Variants in ROBO2 observed in about 807,000 individuals in gnomAD.
ROBO2 encodes the protein roundabout guidance receptor 2, also known as roundabout homolog 2.
Under a neutral mutation model 160.8 loss-of-function variants are expected in ROBO2, and 53 were observed. The ratio of observed to expected loss-of-function variants is 0.33; its 90% CI spans 0.26 to 0.41. The LOEUF (loss-of-function observed/expected upper bound fraction) is 0.41, where lower values mean the gene tolerates loss of function less well. ROBO2 is among the 10% of genes least tolerant of loss of function. ROBO2 has a pLI of 1.00. For missense variants in ROBO2, 1,577 were observed against 1,722.4 expected, an observed-to-expected ratio of 0.92 and a Z score of 1.49; for synonymous variants, 664 against 611.7, an observed-to-expected ratio of 1.09 and a Z score of -1.26.
chr3:76,758,647 A>C (rs2061123890), intron 2 of ROBO2, among the ~76,000 whole-genome samples: 1 of 151,674 alleles, frequency 6.6e-6, no homozygotes. Flanking sequence ...TGGTTATCCC[A>C]CCTCTCTGTT....
At chr3:76,559,166 T>G (rs2083998677) in intron 2 of ROBO2, among the ~76,000 whole-genome samples, 1 of 152,128 alleles carries the variant, frequency 6.6e-6, no homozygotes, top group Non-Finnish European at 1.5e-5. Flanking sequence ...ACCACACATT[T>G]TTGTTCAGTT....
At chr3:75,977,062 T>C (rs2065152087) in intron 2 of ROBO2, among the ~76,000 whole-genome samples, 1 of 151,620 alleles carries the variant, frequency 6.6e-6, no homozygotes, top group South Asian at 2.1e-4. Flanking sequence ...TTTCATATAA[T>C]ATCAAAGAAT....
intron 2 of ROBO2, among the ~76,000 whole-genome samples, chr3:76,764,176 C>A (rs1019951312): frequency 1.3e-5 from 2 of 151,662 alleles, no homozygotes; most frequent in Admixed American, 1.3e-4. Flanking sequence ...CTGTTGCTTT[C>A]TCTGTTTTGA....
At chr3:76,396,764 G>A (rs1183702777) in intron 2 of ROBO2, among the ~76,000 whole-genome samples, 18 of 151,928 alleles carry the variant, frequency 1.2e-4, no homozygotes, top group Non-Finnish European at 2.2e-4. Context: ...TCCAACTTAC[G>A]AGGGACGTGA....
At chr3:77,363,395 C>A (rs2070342165) in intron 2 of ROBO2, among the ~76,000 whole-genome samples, 1 of 152,070 alleles carries the variant, frequency 6.6e-6, no homozygotes, top group South Asian at 2.1e-4. Flanking sequence ...CAGATATTGG[C>A]AAACTTTTTC....
chr3:77,502,732 A>C (rs1265338343), intron 5 of ROBO2, among the ~76,000 whole-genome samples: 1 of 152,252 alleles, frequency 6.6e-6, no homozygotes, highest in Admixed American at 6.5e-5. Context: ...CGTAGCATTT[A>C]GATTAGATAT....
chr3:76,921,116 A>G (rs1237244471), intron 2 of ROBO2, among the ~76,000 whole-genome samples: 1 of 152,226 alleles, frequency 6.6e-6, no homozygotes, highest in African/African-American at 2.4e-5. Context: ...AGACAGGTTT[A>G]GGAGAATGCT....
intron 2 of ROBO2, among the ~76,000 whole-genome samples, chr3:76,436,360 T>C (rs571469012): frequency 2.8e-4 from 43 of 152,314 alleles, no homozygotes; most frequent in African/African-American, 9.4e-4. Context: ...CAGGTACCTG[T>C]CACCTGTCTT....
At chr3:75,963,520 A>G (rs1038827632) in intron 2 of ROBO2, among the ~76,000 whole-genome samples, 1 of 151,796 alleles carries the variant, frequency 6.6e-6, no homozygotes, top group Non-Finnish European at 1.5e-5. Flanking sequence ...TGTCATTATA[A>G]TACTTGATAA....
intron 2 of ROBO2, among the ~76,000 whole-genome samples, chr3:76,548,644 T>A (rs116560000): frequency 0.026 from 3,875 of 151,724 alleles, 175 homozygotes; most frequent in African/African-American, 0.09. Flanking sequence ...GGATTTTTTT[T>A]TTTTTTAATA....
intron 2 of ROBO2, among the ~76,000 whole-genome samples, chr3:76,684,968 G>T (rs1280306440): frequency 8.9e-6 from 1 of 111,970 alleles, no homozygotes; most frequent in East Asian, 3.5e-4. Context: ...TGTAACATTT[G>T]CAGTACAAAT....
rs1488340586 is a variant in ROBO2, at chr3:77,142,915, C to A, written c.388+44575C>A. Among the ~76,000 whole-genome samples the A allele has an allele frequency of 3.3e-5, 5 of 152,116 alleles. No individual in the cohort carries two copies. The South Asian group carries it at 1.0e-3, about 32-fold the overall frequency. ...TACAAGTGAAAAGAGAAGTGTGTTT[C>A]CCTGCCCCTTCCTCAGCAGAAAGTC... On this transcript the variant is annotated intron_variant, in intron 2 of 25. Coordinates refer to ENST00000461745, the Ensembl canonical transcript of ROBO2.
chr3:77,070,405 A>AGTGT (rs372954752), intron 1 of ROBO2, among the ~76,000 whole-genome samples: 1 of 151,678 alleles, frequency 6.6e-6, no homozygotes, highest in African/African-American at 2.4e-5. Context: ...CCACTGTGTG[A>AGTGT]GTGTGTGTGT....
At chr3:77,079,589 G>A (rs1050709440) in intron 1 of ROBO2, among the ~76,000 whole-genome samples, 3 of 152,160 alleles carry the variant, frequency 2.0e-5, no homozygotes, top group African/African-American at 7.2e-5. Context: ...AAGCAACCTC[G>A]TAAGTCTCAT....
intron 2 of ROBO2, among the ~76,000 whole-genome samples, chr3:76,373,927 C>T (rs1211203030): frequency 6.6e-6 from 1 of 151,922 alleles, no homozygotes; most frequent in African/African-American, 2.4e-5. Flanking sequence ...TGATGTTTCT[C>T]TCTCTACTAG....
rs192023536 is a variant in ROBO2 at position 76,773,196 on chromosome 3, T to C, written c.110-324818T>C. Among the ~76,000 whole-genome samples the C allele has an allele frequency of 3.4e-3, 521 of 151,132 alleles. 2 individuals are homozygous for C. Among genetic ancestry groups the C allele is most frequent in the Non-Finnish European group, 5.2e-3 (350 of 67,308 alleles). On this transcript the variant is annotated intron_variant, in intron 2 of 26. Coordinates refer to the ROBO2 transcript ENST00000487694. ...CATTTAGTCACAACATGATTAAATC[T>C]GTCATGAAGGTTTCTTTTGTTGTAA...
intron 2 of ROBO2, among the ~76,000 whole-genome samples, chr3:77,259,999 G>A (rs2058674678): frequency 6.6e-6 from 1 of 152,168 alleles, no homozygotes; most frequent in Non-Finnish European, 1.5e-5. Context: ...TGTGGGACAC[G>A]CTGAGGGTCA....
At chr3:76,437,207 T>G (rs1295116690) in intron 2 of ROBO2, among the ~76,000 whole-genome samples, 1 of 152,160 alleles carries the variant, frequency 6.6e-6, no homozygotes, top group Non-Finnish European at 1.5e-5. Flanking sequence ...CGGTATAGAA[T>G]GGAGCTAGAA....
At chr3:76,142,780 T>C (rs931443701) in intron 2 of ROBO2, among the ~76,000 whole-genome samples, 3 of 151,944 alleles carry the variant, frequency 2.0e-5, no homozygotes, top group African/African-American at 7.3e-5. Context: ...AATTCAGTTG[T>C]ACATTTTTAA....
Sources: gnomAD v4.1 joint callset for allele counts (sites outside exome capture counted in the v4.1 genomes callset) on GRCh38, gnomAD v4.1.1 for gene constraint, MANE v1.5 for transcripts, NCBI Gene and HGNC (gene_info 2026-07-23, HGNC 2026-07-21) for gene names.